Variants in SYT14 observed in about 807,000 individuals in gnomAD.
The protein encoded by SYT14 is synaptotagmin-14.
A neutral mutation model predicts 74.2 loss-of-function variants in SYT14; 32 were observed. The ratio of observed to expected loss-of-function variants is 0.43; its 90% CI spans 0.33 to 0.58. The LOEUF is 0.58. SYT14 is among the 20% of genes least tolerant of loss of function. The pLI is 0.05. For missense variants in SYT14, 791 were observed against 981.8 expected (o/e 0.81, Z 2.60); for synonymous variants, 298 against 337.7 (o/e 0.88, Z 1.29).
At chr1:210,054,357 A>G (rs935215247) in intron 5 of SYT14, among the ~76,000 whole-genome samples, 1 of 152,176 alleles carries the variant, frequency 6.6e-6, no homozygotes, top group Non-Finnish European at 1.5e-5. Flanking sequence ...CTGCTATCAC[A>G]TTTTAAAATA....
At chr1:210,075,137 C>T (rs1354762640) in intron 5 of SYT14, among the ~76,000 whole-genome samples, 2 of 152,158 alleles carry the variant, frequency 1.3e-5, no homozygotes, top group Non-Finnish European at 2.9e-5. Context: ...CCCAGCCAAA[C>T]TTGGCCTCGT....
chr1:210,142,257 G>A (rs911692971), intron 7 of SYT14, among the ~76,000 whole-genome samples: 1 of 152,190 alleles, frequency 6.6e-6, no homozygotes, highest in Non-Finnish European at 1.5e-5. Flanking sequence ...GGGAACTGGG[G>A]AGAGGGTAAT....
intron 1 of SYT14, among the ~76,000 whole-genome samples, chr1:209,949,979 T>C (rs1389894130): frequency 6.6e-6 from 1 of 152,198 alleles, no homozygotes; most frequent in Non-Finnish European, 1.5e-5. Flanking sequence ...AAAGTGGGAA[T>C]TGGCTTTCAT....
chr1:209,980,950 A>T (rs2079472753), intron 2 of SYT14, among the ~76,000 whole-genome samples: 1 of 152,138 alleles, frequency 6.6e-6, no homozygotes. Flanking sequence ...GTCCATATGA[A>T]TTTTAAAATA....
At chr1:210,026,799 A>ATGAT (rs1553267833) in intron 5 of SYT14, among the ~76,000 whole-genome samples, 1 of 151,266 alleles carries the variant, frequency 6.6e-6, no homozygotes, top group African/African-American at 2.4e-5. Flanking sequence ...AGAGTAATAG[A>ATGAT]TTGTTTATAT....
intron 5 of SYT14, among the ~76,000 whole-genome samples, chr1:210,090,061 G>A (rs2081833529): frequency 6.6e-6 from 1 of 152,210 alleles, no homozygotes; most frequent in African/African-American, 2.4e-5. Flanking sequence ...CGTTACACAT[G>A]AAGACTTGGC....
At chr1:209,979,392 G>A (rs777900926) in intron 2 of SYT14, among the ~76,000 whole-genome samples, 4 of 152,084 alleles carry the variant, frequency 2.6e-5, no homozygotes, top group Non-Finnish European at 5.9e-5. Context: ...GCCTGTGGAT[G>A]TTGTTATGGA....
chr1:210,142,374 T>G (rs1437032326), intron 7 of SYT14, among the ~76,000 whole-genome samples: 1 of 152,204 alleles, frequency 6.6e-6, no homozygotes, highest in African/African-American at 2.4e-5. Flanking sequence ...TTTAGTTAGT[T>G]CAGAGTTCTG....
intron 5 of SYT14, among the ~76,000 whole-genome samples, chr1:210,080,559 C>T (rs1252194895): frequency 2.6e-5 from 4 of 152,128 alleles, no homozygotes; most frequent in Non-Finnish European, 4.4e-5. Flanking sequence ...GGTTGGGTCA[C>T]ATTGAATACC....
intron 7 of SYT14, among the ~76,000 whole-genome samples, chr1:210,120,469 C>T (rs753104898): frequency 1.2e-4 from 18 of 151,736 alleles, no homozygotes; most frequent in Admixed American, 3.9e-4. Flanking sequence ...ATCAGCCTCC[C>T]GAGAAGCTAC....
chr1:210,125,671 A>G (rs533642675), intron 7 of SYT14, among the ~76,000 whole-genome samples: 1 of 152,312 alleles, frequency 6.6e-6, no homozygotes, highest in South Asian at 2.1e-4. Flanking sequence ...TTCTGAATTA[A>G]ATCTCTTTCT....
At chr1:210,162,634 A>G (rs889589242) in exon 10 of SYT14, 8 of 422,060 alleles carry the variant, frequency 1.9e-5, no homozygotes, top group African/African-American at 1.7e-4. Context: ...TCTAGTCCCA[A>G]CTAAGTACTA....
intron 7 of SYT14, among the ~76,000 whole-genome samples, chr1:210,145,542 C>G (rs1385565506): frequency 6.6e-6 from 1 of 152,184 alleles, no homozygotes; most frequent in African/African-American, 2.4e-5. Flanking sequence ...AACAAAAGTT[C>G]TGCCCTGAAG....
In SYT14 at chr1:210,089,973, A is replaced by G. The variant is rs1433839337; in HGVS notation, c.1313-4349A>G. On this transcript the variant is annotated intron_variant, in intron 5 of 9. Transcript: ENST00000637265. ...CCCATTGGTTACTTGGCTACATCCT[A>G]TGTAATGAAGGACGGGCCTGTGACC... is the stretch of plus-strand genomic sequence containing the variant. Among the ~76,000 whole-genome samples, 5 of 152,336 alleles carry G rather than the reference A, an allele frequency of 3.3e-5. No homozygotes were observed. In the South Asian group the frequency reaches 6.2e-4, roughly 19 times the overall value.
At chr1:210,020,510 A>G (rs546823524) in intron 4 of SYT14, among the ~76,000 whole-genome samples, 1 of 152,282 alleles carries the variant, frequency 6.6e-6, no homozygotes, top group South Asian at 2.1e-4. Context: ...CACCAATAGT[A>G]TATACCTGTC....
chr1:210,030,273 C>G (rs1395632792), intron 5 of SYT14, among the ~76,000 whole-genome samples: 3 of 152,030 alleles, frequency 2.0e-5, no homozygotes, highest in Non-Finnish European at 4.4e-5. Context: ...TCCCGAGTAG[C>G]TGGGATTACA....
chr1:210,164,286 TA>T (rs201868266), exon 10 of SYT14: 138 of 233,878 alleles, frequency 5.9e-4, no homozygotes, highest in South Asian at 1.4e-3. Context: ...GGACCACAAT[TA>T]AAAAAAAAGA....
intron 7 of SYT14, among the ~76,000 whole-genome samples, chr1:210,106,556 A>G (rs573433140): frequency 3.9e-5 from 6 of 152,164 alleles, no homozygotes; most frequent in Non-Finnish European, 8.8e-5. Context: ...CCTTCTCCAC[A>G]TGGCGGCAAC....
At chr1:210,150,899 T>C (rs1193250049) in intron 7 of SYT14, among the ~76,000 whole-genome samples, 1 of 152,200 alleles carries the variant, frequency 6.6e-6, no homozygotes, top group Non-Finnish European at 1.5e-5. Flanking sequence ...ATATTGTTTT[T>C]TCTCTATGTA....
Sources: allele counts gnomAD v4.1 joint callset (sites outside exome capture counted in the v4.1 genomes callset), GRCh38; gene constraint gnomAD v4.1.1; transcripts MANE v1.5; gene names NCBI Gene and HGNC (gene_info 2026-07-23, HGNC 2026-07-21).